DZIP3: variants seen among roughly 807,000 people sequenced by gnomAD.
DZIP3 encodes the protein DAZ interacting zinc finger protein 3.
DZIP3 carries 118 observed loss-of-function variants against 162.0 expected under a neutral mutation model. The ratio of observed to expected loss-of-function variants is 0.73; its 90% CI spans 0.63 to 0.85. The LOEUF (loss-of-function observed/expected upper bound fraction) is 0.85. Ranked by LOEUF, DZIP3 falls within the 40% of genes least tolerant of loss-of-function variation. The pLI, the probability that DZIP3 is intolerant of heterozygous loss-of-function variation, is 0.00. For synonymous variants in DZIP3, 438 were observed against 458.6 expected, an observed-to-expected ratio of 0.96 and a Z score of 0.57; for missense variants, 1,331 against 1,407.0, an observed-to-expected ratio of 0.95 and a Z score of 0.86.
chr3:108,683,716 C>T (rs1156725146), intron 26 of DZIP3, among the ~76,000 whole-genome samples: 1 of 152,162 alleles, frequency 6.6e-6, no homozygotes, highest in Non-Finnish European at 1.5e-5. Context: ...TGGAGCTAAA[C>T]ATTAAGTCAA....
At chr3:108,606,865 C>T (rs1204994445) in intron 2 of DZIP3, among the ~76,000 whole-genome samples, 2 of 152,062 alleles carry the variant, frequency 1.3e-5, no homozygotes, top group African/African-American at 2.4e-5. Flanking sequence ...CTGGATGTTT[C>T]AAAAGCTTCA....
intron 1 of DZIP3, among the ~76,000 whole-genome samples, chr3:108,593,907 C>G (rs74943554): frequency 6.6e-6 from 1 of 151,888 alleles, no homozygotes; most frequent in African/African-American, 2.4e-5. Flanking sequence ...TCGAGTGATC[C>G]GCTCGCCTCA....
intron 23 of DZIP3, 79 bp downstream of exon 23, chr3:108,672,735 A>G: frequency 7.1e-6 from 8 of 1,124,316 alleles, no homozygotes; most frequent in South Asian, 4.5e-5. Flanking sequence ...AGAATTTGTA[A>G]AAGATTGTTT....
chr3:108,619,081 AAAAAAG>A (rs1559731300), intron 5 of DZIP3, among the ~76,000 whole-genome samples: 3 of 151,212 alleles, frequency 2.0e-5, no homozygotes, highest in Non-Finnish European at 4.4e-5. Flanking sequence ...AAAAAAAAAA[AAAAAAG>A]AAAGCTTATA....
At chr3:108,611,970 A>C (rs1295326901) in intron 4 of DZIP3, among the ~76,000 whole-genome samples, 2 of 151,746 alleles carry the variant, frequency 1.3e-5, no homozygotes, top group East Asian at 3.9e-4. Flanking sequence ...TCTCAAAAAA[A>C]AAAAAAGTTG....
Position 108,662,226 on chromosome 3 carries a change from C to T in DZIP3, c.2392C>T (p.Gln798Ter). 6.3e-7 allele frequency: 1 copy of T among 1,597,376 alleles called. No homozygotes were observed. The highest frequency in any genetic ancestry group is 8.5e-7 in the Non-Finnish European group (1 of 1,175,818). ...CAAAATTATCGCATCTCTTAATCAA[C>T]AAGTTGCTTTTGGAATCAATAAGGT... Reference protein sequence around the residue: ...KDKIIASLNQQVAFGINKVSK... With the variant: ...KDKIIASLNQ Residue 798 changes from glutamine (Q) to a stop codon, truncating the protein, a stop_gained, in exon 21 of 33, where the codon CAA (glutamine) becomes TAA (stop). Transcript: ENST00000361582. LOFTEE classifies it high-confidence loss of function.
intron 21 of DZIP3, among the ~76,000 whole-genome samples, chr3:108,664,296 A>G (rs1004935632): frequency 1.3e-5 from 2 of 152,218 alleles, no homozygotes; most frequent in Admixed American, 1.3e-4. Context: ...TACCCACCGT[A>G]CTGCAGCCAC....
intron 21 of DZIP3, among the ~76,000 whole-genome samples, chr3:108,665,666 ATAACT>A (rs1399838502): frequency 6.6e-6 from 1 of 152,240 alleles, no homozygotes. Context: ...AAGACACATC[ATAACT>A]TAACTTCTGA....
At chr3:108,614,707 A>C (rs1041888786) in intron 4 of DZIP3, among the ~76,000 whole-genome samples, 5 of 152,152 alleles carry the variant, frequency 3.3e-5, no homozygotes, top group Non-Finnish European at 7.3e-5. Flanking sequence ...ATCACCCCAG[A>C]AAGCACTCAA....
At chr3:108,604,910 G>T (rs951057723) in intron 1 of DZIP3, among the ~76,000 whole-genome samples, 3 of 152,140 alleles carry the variant, frequency 2.0e-5, no homozygotes, top group African/African-American at 7.2e-5. Context: ...GGAAAAAGCT[G>T]TATGGATAAT....
intron 19 of DZIP3, among the ~76,000 whole-genome samples, chr3:108,657,545 G>T (rs1458614323): frequency 6.6e-6 from 1 of 152,168 alleles, no homozygotes; most frequent in Admixed American, 6.5e-5. Flanking sequence ...ATGCCAAATT[G>T]TAAAGACCAT....
At chr3:108,619,877 A>G (rs1322151677) in intron 5 of DZIP3, among the ~76,000 whole-genome samples, 3 of 151,698 alleles carry the variant, frequency 2.0e-5, no homozygotes, top group Non-Finnish European at 2.9e-5. Context: ...AAATAGTTAC[A>G]TAATTACATT....
chr3:108,648,108 A>G lies in DZIP3; in HGVS notation c.1958A>G (p.Gln653Arg). 2 of 1,595,954 alleles carry G rather than the reference A, an allele frequency of 1.3e-6. No homozygotes were observed. Among genetic ancestry groups the G allele is most frequent in the Non-Finnish European group, 1.7e-6 (2 of 1,174,342 alleles). ...ESSTESLKDL[Q>R]EVKSKQRKKK... ...TCAACAGAATCTCTTAAAGATCTCC[A>G]GGAAGTATAAGCTCTCATTAATATT... Residue 653 changes from glutamine to arginine, a missense_variant, in exon 16 of 33, where the codon CAG becomes CGG. By Grantham distance (43) the Gln-to-Arg change is conservative. Around this residue, in one of 2 missense-constraint regions of DZIP3, gnomAD observed 1,278 missense variants for 1,317.1 expected, o/e 0.97. Coordinates refer to ENST00000361582, the MANE Select transcript of DZIP3 (RefSeq NM_014648.4).
chr3:108,647,971 GGAA>G lies in DZIP3; in HGVS notation c.1828_1830del (p.Glu610del), dbSNP rs1559755735. The G allele has an allele frequency of 6.3e-7, 1 of 1,577,124 alleles. No homozygotes were observed. The highest frequency in any genetic ancestry group is 2.3e-5 in the East Asian group (1 of 42,926). ...TTGAAATAGAAGAGTTACAGAATGAGGAAGAAGAACTAAGTCCACCTCTCATGG... is the reference window on the plus strand; with the variant it reads ...TTGAAATAGAAGAGTTACAGAATGAGGAAGAACTAAGTCCACCTCTCATGG... On this transcript the variant is annotated inframe_deletion, in exon 16 of 33. Transcript: ENST00000361582.
At chr3:108,623,983 CAG>C (rs1374224201) in intron 5 of DZIP3, among the ~76,000 whole-genome samples, 2 of 152,188 alleles carry the variant, frequency 1.3e-5, no homozygotes, top group Non-Finnish European at 2.9e-5. Context: ...TAGCTGTAGT[CAG>C]GGGATGGAGG....
At chr3:108,691,583 C>G (rs1321708304) in intron 32 of DZIP3, among the ~76,000 whole-genome samples, 1 of 152,056 alleles carries the variant, frequency 6.6e-6, no homozygotes, top group Non-Finnish European at 1.5e-5. Flanking sequence ...GTGGGTACCT[C>G]TAGAATGAGG....
At chr3:108,687,434 GA>G (rs1394192668) in intron 28 of DZIP3, among the ~76,000 whole-genome samples, 1 of 152,086 alleles carries the variant, frequency 6.6e-6, no homozygotes, top group Non-Finnish European at 1.5e-5. Context: ...AATTAAAAAG[GA>G]ACATATCAAT....
chr3:108,686,638 A>G (rs1944509346), intron 28 of DZIP3, 54 bp downstream of exon 28: 11 of 1,423,892 alleles, frequency 7.7e-6, no homozygotes, highest in Non-Finnish European at 1.0e-5. Flanking sequence ...CAGTTTTCAT[A>G]GCCATAATTG....
At chr3:108,649,120 A>G (rs1643365774) in intron 17 of DZIP3, among the ~76,000 whole-genome samples, 158 bp downstream of exon 17, 1 of 151,886 alleles carries the variant, frequency 6.6e-6, no homozygotes. Context: ...CATATGTTAT[A>G]TCCTGAATGA....
Sources: allele counts gnomAD v4.1 joint callset (sites outside exome capture counted in the v4.1 genomes callset), GRCh38; gene constraint gnomAD v4.1.1; regional missense constraint gnomAD v4.1.1; transcripts MANE v1.5; gene names NCBI Gene and HGNC (gene_info 2026-07-23, HGNC 2026-07-21).